The following INPP4A variants were observed in gnomAD, a reference collection of about 807,000 sequenced individuals.
INPP4A encodes the protein inositol polyphosphate-4-phosphatase, type I, 107kD.
INPP4A carries 33 observed loss-of-function variants against 119.8 expected under a neutral mutation model. The ratio of observed to expected loss-of-function variants is 0.28; its 90% CI spans 0.21 to 0.37. The LOEUF is 0.37. INPP4A is among the 10% of genes least tolerant of loss of function. INPP4A has a pLI of 1.00. For missense variants in INPP4A, 956 were observed against 1,289.9 expected, an observed-to-expected ratio of 0.74 and a Z score of 3.97; for synonymous variants, 496 against 500.7, an observed-to-expected ratio of 0.99 and a Z score of 0.12.
chr2:98,475,833 T>C (rs1677090973), intron 1 of INPP4A, among the ~76,000 whole-genome samples: 3 of 152,188 alleles, frequency 2.0e-5, no homozygotes, highest in African/African-American at 7.2e-5. Flanking sequence ...GGAGCCTGTG[T>C]GTCCACCTTG....
rs781317145 is a variant in INPP4A at position 98,520,073 on chromosome 2, C to T, written c.25C>T (p.Arg9Cys). The T allele has an allele frequency of 2.0e-5, 31 of 1,583,660 alleles. No individual in the cohort carries two copies. Among genetic ancestry groups the T allele is most frequent in the South Asian group, 2.3e-5 (2 of 86,722 alleles). MTAREHSP[R>C]HGARARAMQR... The stretch of plus-strand genomic sequence containing the variant: ...CATGACAGCAAGAGAGCACAGCCCT[C>T]GCCATGGTGCCAGGGCCCGTGCAAT... Residue 9 changes from arginine (R) to cysteine (C), a missense_variant, in exon 3 of 25, where the codon CGC becomes TGC. Physicochemically the swap from Arg to Cys is radical, Grantham distance 180. Coordinates refer to ENST00000409851, the MANE Select transcript of INPP4A (RefSeq NM_001134225.2).
At chr2:98,470,982 A>G (rs1464143394) in intron 1 of INPP4A, among the ~76,000 whole-genome samples, 1 of 152,204 alleles carries the variant, frequency 6.6e-6, no homozygotes. Context: ...AGACATTTCT[A>G]AAGAAACCAT....
intron 4 of INPP4A, among the ~76,000 whole-genome samples, chr2:98,529,098 T>C (rs1351767999): frequency 6.6e-6 from 1 of 151,384 alleles, no homozygotes; most frequent in Non-Finnish European, 1.5e-5. Flanking sequence ...AAAAAAAATT[T>C]CTATTCATCA....
At position 98,535,726 on chromosome 2, in the gene INPP4A, T is replaced by C. The variant is rs1690140159; in HGVS notation, c.271-3T>C. 4 of 1,404,158 alleles carry C rather than the reference T, an allele frequency of 2.8e-6. No homozygotes were observed. The highest frequency in any genetic ancestry group is 4.0e-6 in the Non-Finnish European group (4 of 1,003,928). The allele number at this position is 1,404,158 out of a possible 1,614,324, so 87.0% of individuals were successfully genotyped here. The stretch of plus-strand genomic sequence containing the variant: ...GTTCTGATTATTTCCTTTTCTGTTC[T>C]AGGGAACCAACAATCCTATATTTCT... On this transcript the variant is annotated splice_region_variant and splice_polypyrimidine_tract_variant and intron_variant, in intron 5 of 24. Coordinates refer to ENST00000409851, the MANE Select transcript of INPP4A (RefSeq NM_001134225.2).
intron 1 of INPP4A, among the ~76,000 whole-genome samples, chr2:98,492,555 C>T: frequency 6.6e-6 from 1 of 152,148 alleles, no homozygotes; most frequent in South Asian, 2.1e-4. Context: ...TTTCAGCTGG[C>T]TAGGAGGAGA....
rs750093299 is a variant in INPP4A, at chr2:98,546,060, C to T, written c.1041C>T (p.Asp347=). The change falls in exon 12 of 25, where the codon GAC becomes GAT. Residue 347 remains aspartate (D), a synonymous_variant. Coordinates refer to ENST00000409851, the MANE Select transcript of INPP4A (RefSeq NM_001134225.2). The surrounding 1 kb of genome is among the most constrained non-coding windows in gnomAD (Gnocchi z 4.2). ...NLHIQRMRVQ[D]DGGSDQNYDI... ...ACATACAAAGGATGAGAGTTCAAGA[C>T]GATGGAGGATCAGGTACCTATTTTT... 2.0e-5 allele frequency: 32 copies of T among 1,577,860 alleles called. No homozygotes were observed. The highest frequency in any genetic ancestry group is 5.5e-5 in the Admixed American group (3 of 54,830).
intron 1 of INPP4A, among the ~76,000 whole-genome samples, chr2:98,463,423 A>G (rs1471717684): frequency 6.6e-6 from 1 of 152,178 alleles, no homozygotes; most frequent in Admixed American, 6.5e-5. Flanking sequence ...AGCTGTTCCA[A>G]CCAAGGTGCT....
At chr2:98,476,492 C>T (rs187293043) in intron 1 of INPP4A, among the ~76,000 whole-genome samples, 1 of 152,282 alleles carries the variant, frequency 6.6e-6, no homozygotes, top group Non-Finnish European at 1.5e-5. Flanking sequence ...ACCAAGCCCC[C>T]TTTAGGTATC....
rs916025943 is a variant in INPP4A, at chr2:98,521,111, C to T, written c.151+380C>T. 2.6e-5 allele frequency: 5 copies of T among 191,058 alleles called. No individual in the cohort carries two copies. In the South Asian group the frequency reaches 6.1e-4, roughly 23 times the overall value. The allele number at this position is 191,058 out of a possible 1,614,324, so 11.8% of individuals were successfully genotyped here. ...CGGGCATAGAGTTCAGCTTTGTTGC[C>T]CCTGGCTGCAAGGCCTTGTGTTGGC... On this transcript the variant is annotated intron_variant, in intron 4 of 24. Coordinates refer to ENST00000409851, the MANE Select transcript of INPP4A (RefSeq NM_001134225.2).
At chr2:98,578,855 C>A (rs142651752) in intron 24 of INPP4A, among the ~76,000 whole-genome samples, 1 of 152,224 alleles carries the variant, frequency 6.6e-6, no homozygotes, top group African/African-American at 2.4e-5. Context: ...GGTAGCGCTG[C>A]GGACATTTGG....
chr2:98,445,765 C>T (rs1328936994), intron 1 of INPP4A, among the ~76,000 whole-genome samples: 11 of 152,198 alleles, frequency 7.2e-5, no homozygotes, highest in Non-Finnish European at 1.6e-4. Flanking sequence ...TCCCCTGTCG[C>T]CTGCCCTCTG....
chr2:98,580,347 C>T (rs1483643822), intron 24 of INPP4A, among the ~76,000 whole-genome samples: 2 of 152,208 alleles, frequency 1.3e-5, no homozygotes, highest in Non-Finnish European at 2.9e-5. Context: ...GTTCAGCCAC[C>T]AGCTCTCTCC....
At chr2:98,472,379 C>T (rs547197767) in intron 1 of INPP4A, among the ~76,000 whole-genome samples, 2 of 152,374 alleles carry the variant, frequency 1.3e-5, no homozygotes, top group African/African-American at 4.8e-5. Context: ...AGTCCCCCAG[C>T]AGATTCTCTT....
At chr2:98,545,874 T>C in intron 11 of INPP4A, 95 bp from the exon 12 acceptor site, 1 of 830,126 alleles carries the variant, frequency 1.2e-6, no homozygotes, top group Non-Finnish European at 1.9e-6. Flanking sequence ...CCTGCTTATA[T>C]GCCACAGCAT....
At chr2:98,487,560 A>T (rs1679814438) in intron 1 of INPP4A, among the ~76,000 whole-genome samples, 1 of 152,168 alleles carries the variant, frequency 6.6e-6, no homozygotes, top group Non-Finnish European at 1.5e-5. Flanking sequence ...ATTTATATCA[A>T]TATGGACTCA....
intron 11 of INPP4A, 58 bp downstream of exon 11, chr2:98,544,065 T>A (rs563424530): frequency 5.5e-5 from 71 of 1,302,246 alleles, no homozygotes; most frequent in South Asian, 7.2e-5. Context: ...ACACACACAC[T>A]CTCACTCTCA....
At chr2:98,584,252 G>A (rs1699698117) in intron 24 of INPP4A, among the ~76,000 whole-genome samples, 1 of 152,250 alleles carries the variant, frequency 6.6e-6, no homozygotes, top group South Asian at 2.1e-4. Context: ...TTATTTGAAA[G>A]CAAGAGAGCA....
At chr2:98,489,055 G>T (rs971170527) in intron 1 of INPP4A, among the ~76,000 whole-genome samples, 7 of 151,644 alleles carry the variant, frequency 4.6e-5, no homozygotes, top group Non-Finnish European at 7.4e-5. Flanking sequence ...TAGCTCTGTG[G>T]GGTGATGATG....
At chr2:98,485,858 C>T (rs1273084282) in intron 1 of INPP4A, among the ~76,000 whole-genome samples, 2 of 152,174 alleles carry the variant, frequency 1.3e-5, no homozygotes, top group Non-Finnish European at 2.9e-5. Context: ...TTGCTGGTTG[C>T]TAACCACTTA....
Sources: gnomAD v4.1 joint callset for allele counts (sites outside exome capture counted in the v4.1 genomes callset) on GRCh38, gnomAD v4.1.1 for gene constraint, Gnocchi (gnomAD v3.1) non-coding constraint, MANE v1.5 for transcripts, NCBI Gene and HGNC (gene_info 2026-07-23, HGNC 2026-07-21) for gene names.